The following CMTM7 variants were observed in gnomAD, a reference collection of about 807,000 sequenced individuals.
CMTM7 encodes the protein CKLF-like MARVEL transmembrane domain-containing protein 7.
A neutral mutation model predicts 19.3 loss-of-function variants in CMTM7; 7 were observed. That is an observed-to-expected ratio of 0.36 (90% CI 0.21 to 0.68). The LOEUF (loss-of-function observed/expected upper bound fraction) is 0.68, where lower values mean the gene tolerates loss of function less well. Ranked by LOEUF, CMTM7 falls within the 30% of genes least tolerant of loss-of-function variation. The pLI is 0.60. For synonymous variants in CMTM7, 87 were observed against 99.3 expected, an observed-to-expected ratio of 0.88 and a Z score of 0.74; for missense variants, 193 against 232.6, an observed-to-expected ratio of 0.83 and a Z score of 1.11.
At chr3:32,393,144 T>A (rs558052439) in intron 1 of CMTM7, among the ~76,000 whole-genome samples, 1 of 152,266 alleles carries the variant, frequency 6.6e-6, no homozygotes, top group South Asian at 2.1e-4. Context: ...GCACAGGACG[T>A]CTGTGCATCT....
At chr3:32,419,824 C>T (rs1696318122) in intron 1 of CMTM7, among the ~76,000 whole-genome samples, 1 of 152,162 alleles carries the variant, frequency 6.6e-6, no homozygotes, top group Non-Finnish European at 1.5e-5. Flanking sequence ...TCTCTGTAAG[C>T]TTGTTAATGA....
intron 1 of CMTM7, among the ~76,000 whole-genome samples, chr3:32,411,162 C>A (rs1696168604): frequency 6.6e-6 from 1 of 152,156 alleles, no homozygotes; most frequent in African/African-American, 2.4e-5. Flanking sequence ...AAAATCAAGA[C>A]CCTAAACAAG....
At chr3:32,392,941 C>T (rs1695861971) in intron 1 of CMTM7, among the ~76,000 whole-genome samples, 1 of 152,124 alleles carries the variant, frequency 6.6e-6, no homozygotes, top group Admixed American at 6.5e-5. Context: ...ACAACTTTTC[C>T]GTTTGTATGA....
intron 1 of CMTM7, among the ~76,000 whole-genome samples, chr3:32,419,708 T>G (rs189188043): frequency 6.6e-6 from 1 of 152,386 alleles, no homozygotes; most frequent in African/African-American, 2.4e-5. Flanking sequence ...ACTGAACTAC[T>G]CATGCATTCC....
At chr3:32,444,471 A>T (rs914045744) in intron 2 of CMTM7, among the ~76,000 whole-genome samples, 6 of 152,240 alleles carry the variant, frequency 3.9e-5, no homozygotes, top group Admixed American at 3.9e-4. Context: ...CCTTGTAGTA[A>T]GTTGTAAAAC....
In CMTM7 at chr3:32,427,002, T is replaced by C. The variant is rs189291247; in HGVS notation, c.160-14838T>C. Reference sequence around the variant, plus strand: ...TTATATGTATTGACTGATTTTACCCTCATAACTTCCTAATAGAGTATATGA... The same window carrying C: ...TTATATGTATTGACTGATTTTACCCCCATAACTTCCTAATAGAGTATATGA... On this transcript the variant is annotated intron_variant, in intron 1 of 4. Coordinates refer to ENST00000334983, the MANE Select transcript of CMTM7 (RefSeq NM_138410.4). Among the ~76,000 whole-genome samples the C allele has an allele frequency of 1.8e-4, 28 of 152,352 alleles. No homozygotes were observed. The East Asian group carries it at 5.2e-3, about 28-fold the overall frequency.
Position 32,432,962 on chromosome 3 carries a change from A to G in CMTM7, c.160-8878A>G, listed in dbSNP as rs1437164177. On this transcript the variant is annotated intron_variant, in intron 1 of 4. Coordinates refer to ENST00000334983, the MANE Select transcript of CMTM7 (RefSeq NM_138410.4). Reference sequence around the variant, plus strand: ...TCCACAGCCCCGTCCTTTCGCTCCCATGCCTATCTAAAGAATTATGTCCTC... The same window carrying G: ...TCCACAGCCCCGTCCTTTCGCTCCCGTGCCTATCTAAAGAATTATGTCCTC... 2.6e-5 allele frequency among the ~76,000 whole-genome samples: 4 copies of G among 152,264 alleles called. 1 individual carries two copies. The South Asian group carries it at 8.3e-4, about 32-fold the overall frequency.
At chr3:32,419,009 A>G (rs1220634331) in intron 1 of CMTM7, among the ~76,000 whole-genome samples, 1 of 152,210 alleles carries the variant, frequency 6.6e-6, no homozygotes, top group Non-Finnish European at 1.5e-5. Flanking sequence ...AATATCATGA[A>G]TTAATAATAT....
chr3:32,453,771 T>C (rs1249018653), intron 4 of CMTM7, among the ~76,000 whole-genome samples: 1 of 152,198 alleles, frequency 6.6e-6, no homozygotes, highest in African/African-American at 2.4e-5. Flanking sequence ...CCTGTGAATA[T>C]ACTGAAAAAC....
At chr3:32,423,273 G>C (rs1031247190) in intron 1 of CMTM7, among the ~76,000 whole-genome samples, 1 of 152,268 alleles carries the variant, frequency 6.6e-6, no homozygotes, top group East Asian at 1.9e-4. Flanking sequence ...ACATTGGGTG[G>C]TATGAGCACA....
intron 1 of CMTM7, among the ~76,000 whole-genome samples, chr3:32,393,830 G>T (rs911545260): frequency 1.3e-5 from 2 of 150,316 alleles, no homozygotes; most frequent in South Asian, 4.2e-4. Flanking sequence ...AAGCCTTCAT[G>T]TGGTCCATGA....
At chr3:32,439,651 G>A (rs1696647186) in intron 1 of CMTM7, among the ~76,000 whole-genome samples, 1 of 152,154 alleles carries the variant, frequency 6.6e-6, no homozygotes, top group Non-Finnish European at 1.5e-5. Flanking sequence ...ACAGGGTCTT[G>A]CTTGTTGCCC....
chr3:32,402,205 G>C (rs1053497395), intron 1 of CMTM7, among the ~76,000 whole-genome samples: 7 of 152,036 alleles, frequency 4.6e-5, no homozygotes, highest in Non-Finnish European at 7.4e-5. Context: ...TCCTCCTCCC[G>C]GGTTAAAATG....
At position 32,454,241 on chromosome 3, in the gene CMTM7, A is replaced by G. The variant is rs374549599; in HGVS notation, c.515A>G (p.Asp172Gly). ...TCCTGACTGCCATTTCCTTCCCAAG[A>G]TGCAGCCGTCTGATGAGGCCACAAC... ...YKISCVTQST[D>G]AAV Residue 172 changes from aspartate to glycine, a missense_variant and splice_region_variant, in exon 5 of 5, where the codon GAT (aspartate) becomes GGT (glycine). Coordinates refer to ENST00000334983, the MANE Select transcript of CMTM7 (RefSeq NM_138410.4). 2.1e-5 allele frequency: 34 copies of G among 1,599,562 alleles called. No individual in the cohort carries two copies. The highest frequency in any genetic ancestry group is 9.4e-5 in the African/African-American group (7 of 74,504).
At chr3:32,416,035 A>G (rs1042709392) in intron 1 of CMTM7, among the ~76,000 whole-genome samples, 21 of 152,154 alleles carry the variant, frequency 1.4e-4, no homozygotes, top group South Asian at 4.1e-4. Context: ...AAGAAAGACT[A>G]TTGGGTTGGC....
At chr3:32,400,788 C>T (rs1695991102) in intron 1 of CMTM7, among the ~76,000 whole-genome samples, 1 of 152,070 alleles carries the variant, frequency 6.6e-6, no homozygotes, top group Non-Finnish European at 1.5e-5. Flanking sequence ...ATGGAGGTAC[C>T]CTGGTTGTGT....
intron 1 of CMTM7, among the ~76,000 whole-genome samples, chr3:32,393,400 CCA>C (rs1188099751): frequency 6.6e-6 from 1 of 152,138 alleles, no homozygotes; most frequent in African/African-American, 2.4e-5. Flanking sequence ...AGAGACCAGC[CCA>C]TCTCACCATC....
chr3:32,434,321 G>A (rs567618592), intron 1 of CMTM7, among the ~76,000 whole-genome samples: 20 of 152,132 alleles, frequency 1.3e-4, no homozygotes, highest in African/African-American at 4.8e-4. Context: ...TTATGAATTA[G>A]GTTCTCACTT....
chr3:32,450,825 C>T (rs558862281), intron 3 of CMTM7, among the ~76,000 whole-genome samples: 47 of 152,252 alleles, frequency 3.1e-4, no homozygotes, highest in South Asian at 1.2e-3. Context: ...ACTGTTTAGC[C>T]CTGGAATCTC....
Sources: gnomAD v4.1 joint callset for allele counts (sites outside exome capture counted in the v4.1 genomes callset) on GRCh38, gnomAD v4.1.1 for gene constraint, MANE v1.5 for transcripts, NCBI Gene and HGNC (gene_info 2026-07-23, HGNC 2026-07-21) for gene names.